SLC15A5: variants seen among roughly 807,000 people sequenced by gnomAD.
SLC15A5 encodes solute carrier family 15 member 5.
A neutral mutation model predicts 56.1 loss-of-function variants in SLC15A5; 58 were observed. The ratio of observed to expected loss-of-function variants is 1.03; its 90% confidence interval spans 0.84 to 1.29. The LOEUF (loss-of-function observed/expected upper bound fraction) is 1.29. SLC15A5 is among the 50% of genes most tolerant of loss of function. The pLI, the probability that SLC15A5 is intolerant of heterozygous loss-of-function variation, is 0.00. For synonymous variants in SLC15A5, 264 were observed against 250.5 expected (o/e 1.05, Z -0.51); for missense variants, 681 against 672.1 (o/e 1.01, Z -0.15).
intron 5 of SLC15A5, among the ~76,000 whole-genome samples, chr12:16,232,914 T>C (rs1373509833): frequency 9.6e-6 from 1 of 104,416 alleles, no homozygotes; most frequent in Non-Finnish European, 1.8e-5. Context: ...AGACTCTGTC[T>C]AAAAAAGAAA....
intron 7 of SLC15A5, among the ~76,000 whole-genome samples, chr12:16,210,194 C>A (rs1472049366): frequency 6.6e-6 from 1 of 152,164 alleles, no homozygotes; most frequent in East Asian, 1.9e-4. Flanking sequence ...TTGCACTCAT[C>A]TTTCTAGTTT....
chr12:16,257,916 T>G, intron 2 of SLC15A5, 46 bp from the exon 3 acceptor site: 1 of 1,315,490 alleles, frequency 7.6e-7, no homozygotes, highest in Non-Finnish European at 9.7e-7. Context: ...TTGAATTGCT[T>G]TAGATAACTA....
intron 6 of SLC15A5, among the ~76,000 whole-genome samples, chr12:16,219,797 A>C (rs756590859): frequency 2.6e-5 from 4 of 152,088 alleles, no homozygotes; most frequent in Admixed American, 6.6e-5. Flanking sequence ...GCCCATTACA[A>C]TGTAGATAAT....
At chr12:16,222,779 A>G (rs1457379267) in intron 6 of SLC15A5, among the ~76,000 whole-genome samples, 2 of 152,130 alleles carry the variant, frequency 1.3e-5, no homozygotes, top group Non-Finnish European at 2.9e-5. Flanking sequence ...CTGGCTAGCA[A>G]TTTCCTCCAC....
intron 2 of SLC15A5, among the ~76,000 whole-genome samples, chr12:16,259,765 TG>T (rs1410538645): frequency 6.6e-6 from 1 of 152,080 alleles, no homozygotes; most frequent in African/African-American, 2.4e-5. Context: ...CAAAGTAAGC[TG>T]GGGGGATGGG....
At chr12:16,189,886 C>T (rs1863824582) in intron 8 of SLC15A5, 71 bp from the exon 9 acceptor site, 1 of 1,194,212 alleles carries the variant, frequency 8.4e-7, no homozygotes, top group Non-Finnish European at 1.1e-6. Context: ...TTGCTTCCCT[C>T]CTGCGCTTGT....
chr12:16,189,371 T>G lies in SLC15A5; in HGVS notation c.*297A>C. 5.2e-6 allele frequency: 1 copy of G among 191,644 alleles called. No homozygotes were observed. The highest frequency in any genetic ancestry group is 1.2e-4 in the East Asian group (1 of 8,306). The allele number at this position is 191,644 out of a possible 1,614,324, so 11.9% of individuals were successfully genotyped here. A position where few individuals can be genotyped will look rare whatever the true frequency, so the allele number is the denominator to read the frequency against. On this transcript the variant is annotated 3_prime_UTR_variant, in exon 9 of 9. Coordinates refer to ENST00000344941, the MANE Select transcript of SLC15A5 (RefSeq NM_001170798.1). ...TCATACGCTTTCAATGGCTGAACCA[T>G]TGTAGAAAGCTGTAAGGTATTATTG...
Position 16,239,661 on chromosome 12 carries a change from A to G in SLC15A5, c.1162+20T>C, listed in dbSNP as rs1864391998. Reference sequence around the variant, plus strand: ...AAAAAGTTTCAAACGATTCGCATGAAATGGTTAAATTGTACTTACTGATGC... The same window carrying G: ...AAAAAGTTTCAAACGATTCGCATGAGATGGTTAAATTGTACTTACTGATGC... On this transcript the variant is annotated intron_variant, in intron 5 of 8. Transcript: ENST00000344941. 1 of 1,529,036 alleles carries G rather than the reference A, an allele frequency of 6.5e-7. No homozygotes were observed. Among genetic ancestry groups the G allele is most frequent in the African/African-American group, 1.4e-5 (1 of 72,786 alleles). 94.7% of individuals were successfully genotyped at this position (1,529,036 alleles called of 1,614,324 possible). A position where few individuals can be genotyped will look rare whatever the true frequency, so the allele number is the denominator to read the frequency against.
chr12:16,239,774 G>A lies in SLC15A5; in HGVS notation c.1069C>T (p.Leu357=). Residue 357 remains leucine (L), a synonymous_variant, in exon 5 of 9, where the codon CTA becomes TTA. Coordinates refer to ENST00000344941, the MANE Select transcript of SLC15A5 (RefSeq NM_001170798.1). ...AAAGGAGCCAGAATTAGTAATGGTA[G>A]GCTGCTGATGGCATTCATTACTGCA... The part of the protein sequence containing the change: ...PIAVMNAISS[L]PLLILAPFLE... 1 of 1,537,270 alleles carries A rather than the reference G, an allele frequency of 6.5e-7. No individual in the cohort carries two copies. Among genetic ancestry groups the A allele is most frequent in the South Asian group, 1.2e-5 (1 of 84,058 alleles).
At chr12:16,198,258 G>A (rs1006198438) in intron 7 of SLC15A5, among the ~76,000 whole-genome samples, 3 of 152,020 alleles carry the variant, frequency 2.0e-5, no homozygotes, top group African/African-American at 4.8e-5. Context: ...GAATTTTTTT[G>A]TGTACCAGAA....
At chr12:16,193,060 G>C (rs1489293763) in intron 8 of SLC15A5, among the ~76,000 whole-genome samples, 3 of 152,042 alleles carry the variant, frequency 2.0e-5, no homozygotes, top group Admixed American at 2.0e-4. Flanking sequence ...AGATGGTGCA[G>C]GTTTTTGAGA....
Position 16,189,491 on chromosome 12 carries a change from A to C in SLC15A5, c.*177T>G, listed in dbSNP as rs995133831. 2.0e-5 allele frequency: 9 copies of C among 456,570 alleles called. No homozygotes were observed. The highest frequency in any genetic ancestry group is 2.8e-5 in the Non-Finnish European group (8 of 280,786). 28.3% of individuals were successfully genotyped at this position (456,570 alleles called of 1,614,324 possible). A position where few individuals can be genotyped will look rare whatever the true frequency, so the allele number is the denominator to read the frequency against. ...CTAATGCTATAACATGTTAATGCAA[A>C]AGCATGACAGTTTACTAGAAAATTC... On this transcript the variant is annotated 3_prime_UTR_variant, in exon 9 of 9. Transcript: ENST00000344941.
intron 5 of SLC15A5, among the ~76,000 whole-genome samples, chr12:16,228,598 C>T (rs569816026): frequency 1.6e-4 from 25 of 152,210 alleles, no homozygotes; most frequent in African/African-American, 5.5e-4. Context: ...CACTTACATG[C>T]GGGTTTTCCT....
At chr12:16,245,101 C>T (rs1337150126) in intron 3 of SLC15A5, among the ~76,000 whole-genome samples, 1 of 152,192 alleles carries the variant, frequency 6.6e-6, no homozygotes, top group Admixed American at 6.5e-5. Flanking sequence ...TTCAGAATCT[C>T]TCAGAAGTCT....
chr12:16,191,662 C>G (rs544275455), intron 8 of SLC15A5, among the ~76,000 whole-genome samples: 3 of 152,006 alleles, frequency 2.0e-5, no homozygotes, highest in Admixed American at 6.6e-5. Context: ...AGAAAAAAAT[C>G]GGAATCATGC....
intron 1 of SLC15A5, among the ~76,000 whole-genome samples, chr12:16,275,600 C>A (rs1368924283): frequency 6.6e-6 from 1 of 151,864 alleles, no homozygotes; most frequent in Non-Finnish European, 1.5e-5. Context: ...AGACAGAAGA[C>A]CTTTCTTATA....
In SLC15A5 at chr12:16,211,135, A is replaced by G. The variant is rs534159590; in HGVS notation, c.1483+5758T>C. Among the ~76,000 whole-genome samples the G allele has an allele frequency of 4.6e-5, 7 of 152,304 alleles. No homozygotes were observed. In the South Asian group the frequency reaches 1.5e-3, roughly 32 times the overall value. ...GAAAATCTCTAAACCCAAATCCCAT[A>G]TGAAGTTGGACCCGAGGCATAGATC... On this transcript the variant is annotated intron_variant, in intron 7 of 8. Coordinates refer to ENST00000344941, the MANE Select transcript of SLC15A5 (RefSeq NM_001170798.1).
intron 8 of SLC15A5, among the ~76,000 whole-genome samples, chr12:16,190,960 C>T (rs944435072): frequency 2.0e-5 from 3 of 152,072 alleles, no homozygotes; most frequent in Admixed American, 6.6e-5. Context: ...CTGCCCACTC[C>T]CTCTCAAAAC....
intron 6 of SLC15A5, 32 bp downstream of exon 6, chr12:16,224,382 T>C: frequency 1.3e-6 from 2 of 1,531,940 alleles, no homozygotes; most frequent in Non-Finnish European, 1.7e-6. Context: ...GTTCAGTATG[T>C]TCTAACATTA....
Sources: gnomAD v4.1 joint callset for allele counts (sites outside exome capture counted in the v4.1 genomes callset) on GRCh38, gnomAD v4.1.1 for gene constraint, MANE v1.5 for transcripts, NCBI Gene and HGNC (gene_info 2026-07-23, HGNC 2026-07-21) for gene names.